LMO7: variants seen among roughly 807,000 people sequenced by gnomAD.
LMO7 encodes the protein LIM domain 7, also known as LIM domain only protein 7.
In LMO7, 120 loss-of-function variants were observed where a neutral mutation model predicts 206.5. The observed-to-expected ratio is 0.58, with a 90% CI of 0.50 to 0.68. The LOEUF is 0.68. LMO7 is among the 30% of genes least tolerant of loss of function. LMO7 has a pLI of 0.00. For synonymous variants in LMO7, 706 were observed against 681.5 expected (o/e 1.04, Z -0.56); for missense variants, 1,959 against 1,957.9 (o/e 1.00, Z -0.01).
intron 3 of LMO7, among the ~76,000 whole-genome samples, chr13:75,732,094 T>C (rs2045303355): frequency 6.6e-6 from 1 of 152,110 alleles, no homozygotes; most frequent in Non-Finnish European, 1.5e-5. Context: ...AATCTGACAA[T>C]TATGTGTCTT....
intron 4 of LMO7, among the ~76,000 whole-genome samples, chr13:75,772,453 T>C (rs922058017): frequency 1.3e-5 from 2 of 152,118 alleles, no homozygotes; most frequent in African/African-American, 4.8e-5. Context: ...GTTTGAACGT[T>C]TTGCTTTCAT....
chr13:75,842,759 T>A (rs2059653570), intron 24 of LMO7, 92 bp from the exon 25 acceptor site: 1 of 767,504 alleles, frequency 1.3e-6, no homozygotes, highest in Admixed American at 2.0e-5. Flanking sequence ...ATAAAGAGGC[T>A]AGAATGACAT....
In LMO7 at chr13:75,820,919, T is replaced by C. The variant is rs946300627; in HGVS notation, c.2208-258T>C. ...GGCTGAGTCAGGAGAATTGCTTGAA[T>C]GCGGGAGGCGGAGGTTGCAGGTGAG... is the stretch of plus-strand genomic sequence containing the variant. On this transcript the variant is annotated intron_variant, in intron 13 of 30. Coordinates refer to ENST00000377534, the MANE Select transcript of LMO7 (RefSeq NM_001306080.2). Among the ~76,000 whole-genome samples the C allele has an allele frequency of 4.7e-5, 7 of 150,056 alleles. No individual in the cohort carries two copies. In the East Asian group the frequency reaches 1.4e-3, roughly 30 times the overall value.
At chr13:75,700,704 A>G (rs2042231298) in intron 1 of LMO7, among the ~76,000 whole-genome samples, 2 of 152,232 alleles carry the variant, frequency 1.3e-5, no homozygotes, top group Non-Finnish European at 2.9e-5. Flanking sequence ...CTGCAAACCA[A>G]GAAGACTGCT....
In LMO7 at chr13:75,858,058, T is replaced by G. The variant is rs1476929077; in HGVS notation, c.*115T>G. On this transcript the variant is annotated 3_prime_UTR_variant, in exon 31 of 31. Coordinates refer to ENST00000377534, the MANE Select transcript of LMO7 (RefSeq NM_001306080.2). ...TTTGCTTTTTTTTTAAAAAAAAGAA[T>G]AACTTTTTTTGCCTCTTTAGATTAC... 3.2e-6 allele frequency: 4 copies of G among 1,263,120 alleles called. No homozygotes were observed. In the South Asian group the frequency reaches 5.4e-5, roughly 17 times the overall value. 78.2% of individuals were successfully genotyped at this position (1,263,120 alleles called of 1,614,324 possible).
intron 4 of LMO7, among the ~76,000 whole-genome samples, chr13:75,774,412 C>T (rs1484794404): frequency 6.6e-6 from 1 of 151,992 alleles, no homozygotes; most frequent in East Asian, 1.9e-4. Context: ...GTAGATTTGC[C>T]ACAGTTTGTT....
chr13:75,653,045 C>T (rs1256919542), intron 1 of LMO7, among the ~76,000 whole-genome samples: 1 of 150,696 alleles, frequency 6.6e-6, no homozygotes, highest in Non-Finnish European at 1.5e-5. Flanking sequence ...CCTTTACAGC[C>T]CAGCTTTTCC....
At chr13:75,762,663 T>C (rs987303062) in intron 4 of LMO7, among the ~76,000 whole-genome samples, 2 of 152,164 alleles carry the variant, frequency 1.3e-5, no homozygotes, top group Non-Finnish European at 2.9e-5. Context: ...AAACTGAAAC[T>C]GCGAGGTCAC....
intron 3 of LMO7, among the ~76,000 whole-genome samples, chr13:75,727,798 C>A (rs2044633647): frequency 6.7e-6 from 1 of 149,030 alleles, no homozygotes; most frequent in Non-Finnish European, 1.5e-5. Flanking sequence ...ACAACAGTCC[C>A]CAGAGTGTGA....
intron 11 of LMO7, among the ~76,000 whole-genome samples, chr13:75,815,773 AAG>A (rs1404806392): frequency 2.0e-5 from 3 of 152,146 alleles, no homozygotes; most frequent in Admixed American, 6.5e-5. Flanking sequence ...GATGGAAAGA[AAG>A]AGACACTGAA....
chr13:75,691,375 G>A (rs2041462579), intron 1 of LMO7, among the ~76,000 whole-genome samples: 1 of 152,226 alleles, frequency 6.6e-6, no homozygotes, highest in South Asian at 2.1e-4. Context: ...AAAGATGCAG[G>A]ATTTGTATGG....
At chr13:75,718,505 T>C (rs2043746893) in intron 2 of LMO7, among the ~76,000 whole-genome samples, 1 of 152,150 alleles carries the variant, frequency 6.6e-6, no homozygotes, top group South Asian at 2.1e-4. Flanking sequence ...AGTTTTGGGT[T>C]CACAGAAAAA....
chr13:75,809,257 A>G, intron 11 of LMO7, 74 bp downstream of exon 11: 2 of 1,312,032 alleles, frequency 1.5e-6, no homozygotes, highest in Non-Finnish European at 1.1e-6. Context: ...TATTTCTGGC[A>G]TGGCATGTCA....
intron 5 of LMO7, 79 bp from the exon 6 acceptor site, chr13:75,796,557 C>T: frequency 1.3e-6 from 1 of 751,152 alleles, no homozygotes; most frequent in Non-Finnish European, 2.3e-6. Flanking sequence ...CATTTATCTA[C>T]AGTACTCACC....
At chr13:75,628,436 AAT>A (rs1302593246) in intron 2 of LMO7, 1 of 152,180 alleles carries the variant, frequency 6.6e-6, no homozygotes, top group Non-Finnish European at 1.5e-5. Flanking sequence ...TTCTTGTCTG[AAT>A]ACCATTATGT....
intron 4 of LMO7, among the ~76,000 whole-genome samples, chr13:75,768,599 T>C (rs1188454583): frequency 6.6e-6 from 1 of 152,112 alleles, no homozygotes; most frequent in Non-Finnish European, 1.5e-5. Context: ...AACTAGTCAG[T>C]GACACCAAAT....
intron 1 of LMO7, among the ~76,000 whole-genome samples, chr13:75,692,698 G>A (rs2041590858): frequency 6.6e-6 from 1 of 152,162 alleles, no homozygotes; most frequent in African/African-American, 2.4e-5. Context: ...CTTTGGGATT[G>A]TCTAGTCAAG....
chr13:75,636,374 G>C lies in LMO7; in HGVS notation c.-284G>C, dbSNP rs2035852557. 1 of 1,266,436 alleles carries C rather than the reference G, an allele frequency of 7.9e-7. No individual in the cohort carries two copies. The allele number at this position is 1,266,436 out of a possible 1,614,324, so 78.4% of individuals were successfully genotyped here. A position where few individuals can be genotyped will look rare whatever the true frequency, so the allele number is the denominator to read the frequency against. On this transcript the variant is annotated 5_prime_UTR_variant, in exon 1 of 31. Coordinates refer to ENST00000377534, the MANE Select transcript of LMO7 (RefSeq NM_001306080.2). ...TGCCGCGCGCTGCCGCTGGGCACCC[G>C]CTTCGCTTCCCGCGTCCTGCCTGAC... is the stretch of plus-strand genomic sequence containing the variant.
At chr13:75,641,705 A>T (rs1405614558) in intron 1 of LMO7, among the ~76,000 whole-genome samples, 1 of 152,070 alleles carries the variant, frequency 6.6e-6, no homozygotes, top group East Asian at 1.9e-4. Flanking sequence ...CCCAGGCTGG[A>T]GTGCAGTGCT....
Sources: gnomAD v4.1 joint callset for allele counts (sites outside exome capture counted in the v4.1 genomes callset) on GRCh38, gnomAD v4.1.1 for gene constraint, MANE v1.5 for transcripts, NCBI Gene and HGNC (gene_info 2026-07-23, HGNC 2026-07-21) for gene names.